Variants in RBM24 observed in about 807,000 individuals in gnomAD.
The protein encoded by RBM24 is RNA binding motif protein 24.
Under a neutral mutation model 23.6 loss-of-function variants are expected in RBM24, and 5 were observed. The ratio of observed to expected loss-of-function variants is 0.21; its 90% CI spans 0.11 to 0.45. The LOEUF is 0.45. Among genes scored for constraint, RBM24 ranks in the 20% least tolerant of loss-of-function variants. The pLI, the probability that RBM24 is intolerant of heterozygous loss-of-function variation, is 0.99. For missense variants in RBM24, 252 were observed against 314.6 expected (o/e 0.80, Z 1.51); for synonymous variants, 151 against 129.5 (o/e 1.17, Z -1.13).
chr6:17,289,399 C>G, intron 3 of RBM24: 1 of 985,350 alleles, frequency 1.0e-6, no homozygotes, highest in African/African-American at 1.7e-5. Context: ...TTAACCTTTG[C>G]CAAACTTCAT....
intron 3 of RBM24, chr6:17,289,607 T>G (rs549809353): frequency 6.1e-6 from 6 of 985,440 alleles, no homozygotes; most frequent in Non-Finnish European, 6.0e-6. Flanking sequence ...AATTCAGAGA[T>G]ACCAACCTAG....
chr6:17,288,208 C>T, intron 3 of RBM24: 1 of 983,556 alleles, frequency 1.0e-6, no homozygotes, highest in Non-Finnish European at 1.2e-6. Context: ...AGTCTTTCCT[C>T]TTTGTCAAGC....
At chr6:17,291,608 G>C in intron 3 of RBM24, 148 bp from the exon 4 acceptor site, 1 of 835,010 alleles carries the variant, frequency 1.2e-6, no homozygotes, top group Non-Finnish European at 1.9e-6. Context: ...GCTACTGCCT[G>C]AGTATTCTCA....
chr6:17,290,758 A>C, intron 3 of RBM24: 1 of 827,522 alleles, frequency 1.2e-6, no homozygotes, highest in Non-Finnish European at 1.7e-6. Context: ...AATTTCTATT[A>C]ATTTTAGAAA....
chr6:17,290,283 T>C (rs146089914), intron 3 of RBM24, among the ~76,000 whole-genome samples: 3 of 152,370 alleles, frequency 2.0e-5, no homozygotes, highest in African/African-American at 4.8e-5. Context: ...TTCTTACAAG[T>C]TGGCTTTGCC....
intron 3 of RBM24, among the ~76,000 whole-genome samples, chr6:17,290,628 A>G (rs1318404359): frequency 6.6e-6 from 1 of 152,252 alleles, no homozygotes. Context: ...TGATTTGTAC[A>G]AAATATCAAC....
chr6:17,285,665 G>GT (rs1371361332), intron 3 of RBM24, among the ~76,000 whole-genome samples: 1 of 152,160 alleles, frequency 6.6e-6, no homozygotes, highest in East Asian at 1.9e-4. Flanking sequence ...ACACAAGCCA[G>GT]TTTTTTTGAG....
rs1332155388 is a variant in RBM24 at position 17,288,517 on chromosome 6, C to G, written c.348-3239C>G. On this transcript the variant is annotated intron_variant, in intron 3 of 3. Coordinates refer to ENST00000379052, the MANE Select transcript of RBM24 (RefSeq NM_001143942.2). Reference sequence around the variant, plus strand: ...AGATTATTAGTCCATTTCACATATGCAAAATAGGAGGCTATGTTAAGACAA... The same window carrying G: ...AGATTATTAGTCCATTTCACATATGGAAAATAGGAGGCTATGTTAAGACAA... 3.0e-6 allele frequency: 3 copies of G among 984,844 alleles called. No homozygotes were observed. In the African/African-American group the frequency reaches 5.2e-5, roughly 17 times the overall value. The allele number at this position is 984,844 out of a possible 1,614,324, so 61.0% of individuals were successfully genotyped here.
intron 3 of RBM24, among the ~76,000 whole-genome samples, chr6:17,286,134 C>T (rs968254638): frequency 6.6e-6 from 1 of 151,686 alleles, no homozygotes; most frequent in African/African-American, 2.4e-5. Flanking sequence ...CCCATGACCA[C>T]CTCCTTACAA....
intron 3 of RBM24, 145 bp from the exon 4 acceptor site, chr6:17,291,611 T>C (rs2113412840): frequency 2.3e-6 from 2 of 858,586 alleles, no homozygotes; most frequent in East Asian, 2.5e-5. Context: ...ACTGCCTGAG[T>C]ATTCTCAATG....
At chr6:17,282,214 G>A in intron 1 of RBM24, 1 of 1,290,578 alleles carries the variant, frequency 7.7e-7, no homozygotes, top group Non-Finnish European at 1.0e-6. Context: ...CCTTTTAACT[G>A]CAAAGGTAGG....
At chr6:17,289,426 C>T in intron 3 of RBM24, 1 of 985,400 alleles carries the variant, frequency 1.0e-6, no homozygotes, top group South Asian at 4.7e-5. Context: ...GTCTGATAAT[C>T]CAGTGAACTT....
intron 2 of RBM24, among the ~76,000 whole-genome samples, chr6:17,283,387 T>A (rs1760091535): frequency 6.6e-6 from 1 of 152,048 alleles, no homozygotes; most frequent in Non-Finnish European, 1.5e-5. Flanking sequence ...AAGGGAAGCA[T>A]TAAGGGGTAG....
intron 2 of RBM24, among the ~76,000 whole-genome samples, chr6:17,283,558 C>T (rs563163863): frequency 2.0e-5 from 3 of 152,250 alleles, no homozygotes; most frequent in South Asian, 4.2e-4. Flanking sequence ...GCTGGGATTA[C>T]AGGAATGTGT....
At chr6:17,290,623 T>C (rs1002737464) in intron 3 of RBM24, among the ~76,000 whole-genome samples, 1 of 152,242 alleles carries the variant, frequency 6.6e-6, no homozygotes, top group African/African-American at 2.4e-5. Context: ...TGATATGATT[T>C]GTACAAAATA....
chr6:17,283,902 A>G (rs1388966332), intron 2 of RBM24, among the ~76,000 whole-genome samples: 1 of 152,200 alleles, frequency 6.6e-6, no homozygotes, highest in Non-Finnish European at 1.5e-5. Flanking sequence ...TGGGAAAACA[A>G]TACCTCTTGG....
intron 3 of RBM24, chr6:17,289,553 C>T (rs957182145): frequency 2.0e-6 from 2 of 985,334 alleles, no homozygotes; most frequent in African/African-American, 3.5e-5. Context: ...TTCTTCACAA[C>T]ACTTTCTCCT....
intron 1 of RBM24, chr6:17,282,184 G>C (rs1108512): frequency 0.77 from 990,098 of 1,279,968 alleles, 384,915 homozygotes; most frequent in Middle Eastern, 0.93. Context: ...TGGGGCTGTT[G>C]CCCTTGTGTC....
At chr6:17,291,116 T>G (rs953385514) in intron 3 of RBM24, among the ~76,000 whole-genome samples, 10 of 152,332 alleles carry the variant, frequency 6.6e-5, no homozygotes, top group Non-Finnish European at 2.9e-5. Context: ...TTTAAACTCC[T>G]TTTTCTTATT....
Sources: allele counts gnomAD v4.1 joint callset (sites outside exome capture counted in the v4.1 genomes callset), GRCh38; gene constraint gnomAD v4.1.1; transcripts MANE v1.5; gene names NCBI Gene and HGNC (gene_info 2026-07-23, HGNC 2026-07-21).